The following RBFOX1 variants were observed in gnomAD, a reference collection of about 807,000 sequenced individuals.
RBFOX1 encodes RNA binding fox-1 homolog 1.
Under a neutral mutation model 57.7 loss-of-function variants are expected in RBFOX1, and 8 were observed. The ratio of observed to expected loss-of-function variants is 0.14; its 90% confidence interval spans 0.08 to 0.25. RBFOX1 has a LOEUF of 0.25. Ranked by LOEUF, RBFOX1 falls within the 10% of genes least tolerant of loss-of-function variation. The pLI is 1.00. For missense variants in RBFOX1, 611 were observed against 548.5 expected (o/e 1.11, Z -1.14); for synonymous variants, 326 against 222.4 (o/e 1.47, Z -4.15).
intron 3 of RBFOX1, among the ~76,000 whole-genome samples, chr16:5,788,628 C>T (rs1214177131): frequency 2.0e-5 from 3 of 152,028 alleles, no homozygotes; most frequent in Non-Finnish European, 2.9e-5. Context: ...GACTTAGTCT[C>T]AATAAATAAA....
chr16:5,611,793 T>TCCCCCCCCCCCC (rs2047818147), intron 3 of RBFOX1, among the ~76,000 whole-genome samples: 1 of 35,168 alleles, frequency 2.8e-5, no homozygotes, highest in African/African-American at 1.5e-4. Flanking sequence ...CATCCATCCA[T>TCCCCCCCCCCCC]CCACCCACCC....
At chr16:6,510,415 C>T (rs1056037271) in intron 2 of RBFOX1, among the ~76,000 whole-genome samples, 1 of 152,270 alleles carries the variant, frequency 6.6e-6, no homozygotes, top group South Asian at 2.1e-4. Flanking sequence ...GTTGATGACA[C>T]GCTGAGTCCC....
intron 3 of RBFOX1, among the ~76,000 whole-genome samples, chr16:6,928,015 C>G (rs2075914291): frequency 1.3e-5 from 2 of 152,162 alleles, no homozygotes; most frequent in Non-Finnish European, 2.9e-5. Flanking sequence ...CTTCCACCCC[C>G]AGCACCCACC....
chr16:5,484,687 C>T lies in RBFOX1; in HGVS notation c.258+17433C>T, dbSNP rs549858052. 9.1e-4 allele frequency among the ~76,000 whole-genome samples: 138 copies of T among 152,032 alleles called. 2 individuals carry two copies. Among genetic ancestry groups the T allele is most frequent in the Admixed American group, 7.1e-3 (109 of 15,276 alleles). On this transcript the variant is annotated intron_variant, in intron 2 of 2. Coordinates refer to the RBFOX1 transcript ENST00000585867. ...CAGCACTTTGGGAGACTGAGGCGGG[C>T]GGGTCATGAGGTCAGGAGATCGAAA...
intron 4 of RBFOX1, among the ~76,000 whole-genome samples, chr16:7,102,250 C>T (rs923940355): frequency 6.6e-6 from 1 of 152,186 alleles, no homozygotes; most frequent in Non-Finnish European, 1.5e-5. Flanking sequence ...AAATATCTTT[C>T]TCAATTCTAC....
chr16:7,259,675 G>C (rs2094840485), intron 4 of RBFOX1, among the ~76,000 whole-genome samples: 1 of 152,044 alleles, frequency 6.6e-6, no homozygotes, highest in Admixed American at 6.5e-5. Context: ...TCACTAACTT[G>C]AGAGGTGACT....
chr16:5,497,499 G>A (rs536118260), intron 2 of RBFOX1, among the ~76,000 whole-genome samples: 1 of 152,116 alleles, frequency 6.6e-6, no homozygotes, highest in African/African-American at 2.4e-5. Flanking sequence ...TTCTGGCCAG[G>A]CACGGTGGCT....
At chr16:7,610,020 G>T (rs938473714) in intron 10 of RBFOX1, among the ~76,000 whole-genome samples, 1 of 149,738 alleles carries the variant, frequency 6.7e-6, no homozygotes, top group African/African-American at 2.5e-5. Context: ...GTTTCACCCT[G>T]TTAGCCAGGA....
intron 1 of RBFOX1, among the ~76,000 whole-genome samples, chr16:5,404,475 T>C (rs79355869): frequency 0.099 from 15,037 of 152,216 alleles, 1,616 homozygotes; most frequent in African/African-American, 0.27. Flanking sequence ...GTGATCTCTG[T>C]GGACTGCACT....
At chr16:6,700,136 C>T (rs1184935190) in intron 3 of RBFOX1, among the ~76,000 whole-genome samples, 2 of 152,116 alleles carry the variant, frequency 1.3e-5, no homozygotes, top group Admixed American at 6.5e-5. Flanking sequence ...AGAGGCATTC[C>T]CCTAAGGTGA....
At chr16:6,736,793 C>T (rs779092213) in intron 3 of RBFOX1, among the ~76,000 whole-genome samples, 47 of 152,220 alleles carry the variant, frequency 3.1e-4, no homozygotes, top group Non-Finnish European at 5.3e-4. Flanking sequence ...TGGTTCTGAC[C>T]ATGTATGGAA....
chr16:6,586,088 C>G (rs1311510151), intron 2 of RBFOX1, among the ~76,000 whole-genome samples: 1 of 152,152 alleles, frequency 6.6e-6, no homozygotes, highest in Non-Finnish European at 1.5e-5. Flanking sequence ...AAATGCTTCA[C>G]ATTTGTTTAT....
chr16:5,295,683 C>T (rs1418039529), intron 1 of RBFOX1, among the ~76,000 whole-genome samples: 2 of 152,200 alleles, frequency 1.3e-5, no homozygotes, highest in Admixed American at 6.5e-5. Context: ...GCAAGACAGA[C>T]AGTCTCCTAG....
intron 2 of RBFOX1, among the ~76,000 whole-genome samples, chr16:6,616,699 T>G (rs1363357266): frequency 6.6e-6 from 1 of 152,146 alleles, no homozygotes; most frequent in Non-Finnish European, 1.5e-5. Flanking sequence ...CCTCCCAAAG[T>G]TCTGGGATTG....
intron 3 of RBFOX1, among the ~76,000 whole-genome samples, chr16:6,981,499 G>A (rs933278504): frequency 1.2e-4 from 18 of 152,116 alleles, no homozygotes; most frequent in African/African-American, 4.1e-4. Context: ...GTATTAGTCT[G>A]TTCTCATGCT....
intron 2 of RBFOX1, among the ~76,000 whole-genome samples, chr16:5,472,087 T>G (rs559763055): frequency 6.6e-6 from 1 of 152,274 alleles, no homozygotes; most frequent in South Asian, 2.1e-4. Context: ...TTCTCATGTC[T>G]CTGTTATTTG....
chr16:6,955,689 G>GTATGTATTTATTTATTTATT (rs764676268), intron 3 of RBFOX1, among the ~76,000 whole-genome samples: 85 of 118,718 alleles, frequency 7.2e-4, no homozygotes, highest in Middle Eastern at 5.1e-3. Context: ...AGGTATGTAT[G>GTATGTATTTATTTATTTATT]TATTTATTTA....
intron 4 of RBFOX1, among the ~76,000 whole-genome samples, chr16:5,873,484 A>G (rs17138787): frequency 0.014 from 2,090 of 152,334 alleles, 34 homozygotes; most frequent in African/African-American, 0.048. Context: ...AAAGAACTCT[A>G]AACAATCATG....
chr16:5,709,715 G>GTATATA (rs36178320), intron 3 of RBFOX1, among the ~76,000 whole-genome samples: 4 of 137,298 alleles, frequency 2.9e-5, no homozygotes, highest in Non-Finnish European at 4.7e-5. Flanking sequence ...GTATTCTATG[G>GTATATA]TATATATATA....
Sources: gnomAD v4.1 joint callset for allele counts (sites outside exome capture counted in the v4.1 genomes callset) on GRCh38, gnomAD v4.1.1 for gene constraint, MANE v1.5 for transcripts, NCBI Gene and HGNC (gene_info 2026-07-23, HGNC 2026-07-21) for gene names.